Variants in CRYBG3 observed in about 807,000 individuals in gnomAD.
The protein encoded by CRYBG3 is crystallin beta-gamma domain containing 3.
CRYBG3 carries 127 observed loss-of-function variants against 244.2 expected under a neutral mutation model. That is an observed-to-expected ratio of 0.52 (90% CI 0.45 to 0.60). The LOEUF (loss-of-function observed/expected upper bound fraction) is 0.60, where lower values mean the gene tolerates loss of function less well. Ranked by LOEUF, CRYBG3 falls within the 20% of genes least tolerant of loss-of-function variation. CRYBG3 has a pLI of 0.00. For synonymous variants in CRYBG3, 1,132 were observed against 1,195.8 expected (o/e 0.95, Z 1.10); for missense variants, 3,325 against 3,442.5 (o/e 0.97, Z 0.85).
At chr3:97,835,720 G>C (rs1037874250) in intron 1 of CRYBG3, among the ~76,000 whole-genome samples, 3 of 152,130 alleles carry the variant, frequency 2.0e-5, no homozygotes, top group Admixed American at 1.3e-4. Context: ...TTTCAGTTGG[G>C]GGGGAGGTCA....
At chr3:97,870,380 T>C (rs962067904) in intron 3 of CRYBG3, among the ~76,000 whole-genome samples, 2 of 152,198 alleles carry the variant, frequency 1.3e-5, no homozygotes, top group African/African-American at 4.8e-5. Flanking sequence ...CACTTATATG[T>C]GAGAACATGT....
chr3:97,861,966 G>A (rs372056436), intron 2 of CRYBG3, among the ~76,000 whole-genome samples: 6 of 151,936 alleles, frequency 3.9e-5, no homozygotes, highest in Admixed American at 3.9e-4. Context: ...CGCATTTCTC[G>A]TAAGATTATG....
rs149969961 is a variant in CRYBG3 at position 97,893,364 on chromosome 3, A to G, written c.7574+371A>G. Among the ~76,000 whole-genome samples the G allele has an allele frequency of 9.8e-4, 149 of 152,342 alleles. 1 individual carries two copies. In the Middle Eastern group the frequency reaches 0.01, roughly 10 times the overall value. On this transcript the variant is annotated intron_variant, in intron 11 of 21. Transcript: ENST00000389622. Reference sequence around the variant, plus strand: ...TGACTTATGTACCAAGGACCTTGCCAGTGAGCCTTCCCTTGTTAAAAAAGG... The same window carrying G: ...TGACTTATGTACCAAGGACCTTGCCGGTGAGCCTTCCCTTGTTAAAAAAGG...
chr3:97,891,241 T>C (rs942641074), intron 10 of CRYBG3, among the ~76,000 whole-genome samples: 3 of 152,148 alleles, frequency 2.0e-5, no homozygotes, highest in African/African-American at 7.2e-5. Flanking sequence ...CACAGGGATA[T>C]ACTTATAAAG....
At position 97,872,278 on chromosome 3, in the gene CRYBG3, T is replaced by G; in HGVS notation, c.1084T>G (p.Ser362Ala). 1.3e-6 allele frequency: 2 copies of G among 1,535,914 alleles called. No individual in the cohort carries two copies. The highest frequency in any genetic ancestry group is 1.4e-5 in the African/African-American group (1 of 73,142). ...CTCCAGCTACGATGGAGAATCTGAC[T>G]CACAGCACCATTTAAGTTGTGAACC... ...TNSSYDGESDSQHHLSCEPVS... is the reference protein window; with the variant it reads ...TNSSYDGESDAQHHLSCEPVS... The change falls in exon 4 of 22, where the codon TCA becomes GCA. Residue 362 changes from serine to alanine, a missense_variant. Physicochemically the swap from Ser to Ala is moderately conservative, Grantham distance 99 (BLOSUM62 1). This residue lies in a region of CRYBG3 where 1,526 missense variants were observed against 1,443.2 expected (regional missense o/e 1.06). Transcript: ENST00000389622.
chr3:97,848,750 G>A lies in CRYBG3; in HGVS notation c.216+5489G>A, dbSNP rs571400319. 1.2e-4 allele frequency among the ~76,000 whole-genome samples: 19 copies of A among 152,292 alleles called. No individual in the cohort carries two copies. The South Asian group carries it at 3.3e-3, about 27-fold the overall frequency. ...TGGTGTCTGCTGTCTTTTTTTCTCA[G>A]CAATGCAAATAGTTGCAGCAGTATC... On this transcript the variant is annotated intron_variant, in intron 2 of 21. Coordinates refer to ENST00000389622, the MANE Select transcript of CRYBG3 (RefSeq NM_153605.4).
intron 15 of CRYBG3, among the ~76,000 whole-genome samples, chr3:97,909,227 T>A (rs1244721236): frequency 6.7e-6 from 1 of 148,478 alleles, no homozygotes; most frequent in African/African-American, 2.5e-5. Context: ...TTATGTGTCT[T>A]GGAGTTGCTC....
intron 12 of CRYBG3, among the ~76,000 whole-genome samples, chr3:97,897,172 ACATTGAGTTGGTATGCAGCGGAGAC>A (rs2039648934): frequency 1.3e-5 from 2 of 151,896 alleles, no homozygotes; most frequent in Admixed American, 1.3e-4. Flanking sequence ...CAGATCTTTG[ACATTGAGTTGGTATGCAGCGGAGAC>A]CATTGTTTAT....
Position 97,912,225 on chromosome 3 carries a change from C to T in CRYBG3, c.8063C>T (p.Thr2688Ile), listed in dbSNP as rs762031048. 2 of 1,608,886 alleles carry T rather than the reference C, an allele frequency of 1.2e-6. No individual in the cohort carries two copies. The highest frequency in any genetic ancestry group is 3.4e-5 in the Admixed American group (2 of 59,226). The change falls in exon 16 of 22, where the codon ACT becomes ATT. Residue 2688 changes from threonine (T) to isoleucine (I), a missense_variant. By Grantham distance (89) the Thr-to-Ile change is moderately conservative. Transcript: ENST00000389622. ...GAATGTATAGATTTTACAGAAGAAA[C>T]TTCTGATTTGACTTCACTCATGCCA... is the stretch of plus-strand genomic sequence containing the variant. ...QGECIDFTEE[T>I]SDLTSLMPCS...
At position 97,874,906 on chromosome 3, in the gene CRYBG3, A is replaced by G. The variant is rs1439142552; in HGVS notation, c.3712A>G (p.Thr1238Ala). Residue 1238 changes from threonine to alanine, a missense_variant, in exon 4 of 22, where the codon ACC (threonine) becomes GCC (alanine). Around this residue, in one of 4 missense-constraint regions of CRYBG3, gnomAD observed 1,526 missense variants for 1,443.2 expected, o/e 1.06. Transcript: ENST00000389622. ...IAIEGIMNLG[T>A]LKEDISEKNP... ...CATAGAAGGTATAATGAATCTGGGT[A>G]CCCTGAAAGAAGACATCTCTGAGAA... The G allele has an allele frequency of 1.3e-6, 2 of 1,535,234 alleles. No individual in the cohort carries two copies. The highest frequency in any genetic ancestry group is 4.9e-5 in the East Asian group (2 of 40,924).
chr3:97,857,762 T>C (rs2039087399), intron 2 of CRYBG3, among the ~76,000 whole-genome samples: 1 of 152,154 alleles, frequency 6.6e-6, no homozygotes, highest in South Asian at 2.1e-4. Context: ...TTCTGTTTTT[T>C]TATCCATTCG....
Position 97,874,145 on chromosome 3 carries a change from A to ACT in CRYBG3, c.2951_2952insCT (p.Glu984AspfsTer2). Reference sequence around the variant, plus strand: ...ACTAAAAAGATTTCTGGTCACTCAGAAATGGCGGAACTCAGCTTAACTAAT... The same window carrying ACT: ...ACTAAAAAGATTTCTGGTCACTCAGACTAATGGCGGAACTCAGCTTAACTAAT... On this transcript the variant is annotated frameshift_variant, in exon 4 of 22. Transcript: ENST00000389622. LOFTEE classifies it high-confidence loss of function. 1 of 1,533,770 alleles carries ACT rather than the reference A, an allele frequency of 6.5e-7. No homozygotes were observed. Among genetic ancestry groups the ACT allele is most frequent in the Non-Finnish European group, 8.7e-7 (1 of 1,146,282 alleles).
rs2039192022 is a variant in CRYBG3, at chr3:97,864,200, C to T, written c.217-17C>T. 6.8e-7 allele frequency: 1 copy of T among 1,463,100 alleles called. No homozygotes were observed. The highest frequency in any genetic ancestry group is 9.0e-7 in the Non-Finnish European group (1 of 1,115,156). The allele number at this position is 1,463,100 out of a possible 1,614,324, so 90.6% of individuals were successfully genotyped here. The stretch of plus-strand genomic sequence containing the variant: ...TTTAAATAATGATGCTTATGATTGT[C>T]TATTTTGTTTTCAAAGATTCGCCAA... On this transcript the variant is annotated splice_polypyrimidine_tract_variant and intron_variant, in intron 2 of 21. Coordinates refer to ENST00000389622, the MANE Select transcript of CRYBG3 (RefSeq NM_153605.4).
chr3:97,913,837 G>T (rs778250191), intron 16 of CRYBG3, among the ~76,000 whole-genome samples: 2 of 152,166 alleles, frequency 1.3e-5, no homozygotes, highest in Non-Finnish European at 2.9e-5. Flanking sequence ...AAAATCAGAA[G>T]ATTTTACGAC....
At chr3:97,822,466 C>A (rs2038516302) in intron 1 of CRYBG3, 111 bp downstream of exon 1, 2 of 1,056,124 alleles carry the variant, frequency 1.9e-6, no homozygotes, top group Non-Finnish European at 2.6e-6. Flanking sequence ...GCAGTTCGCT[C>A]GCCACTTTCT....
At chr3:97,900,633 A>T (rs1414587753) in intron 15 of CRYBG3, 148 bp downstream of exon 15, 2 of 599,232 alleles carry the variant, frequency 3.3e-6, no homozygotes, top group Non-Finnish European at 6.0e-6. Flanking sequence ...CTATGAGCAG[A>T]AGAATTCACA....
chr3:97,872,571 T>G lies in CRYBG3; in HGVS notation c.1377T>G (p.Asn459Lys). 6.5e-7 allele frequency: 1 copy of G among 1,535,970 alleles called. No homozygotes were observed. The highest frequency in any genetic ancestry group is 1.2e-5 in the South Asian group (1 of 84,062). ...AAAGTACAAATTTGCCAAGTCCAAATAAATCAATTAGGCATGAACATCTGC... is the reference window on the plus strand; with the variant it reads ...AAAGTACAAATTTGCCAAGTCCAAAGAAATCAATTAGGCATGAACATCTGC... Reference protein sequence around the residue: ...EQESTNLPSPNKSIRHEHLQL... With the variant: ...EQESTNLPSPKKSIRHEHLQL... The change falls in exon 4 of 22, where the codon AAT (asparagine) becomes AAG (lysine). Residue 459 changes from asparagine (N) to lysine (K), a missense_variant. Physicochemically the swap from Asn to Lys is moderately conservative, Grantham distance 94. Coordinates refer to ENST00000389622, the MANE Select transcript of CRYBG3 (RefSeq NM_153605.4).
intron 15 of CRYBG3, among the ~76,000 whole-genome samples, chr3:97,908,435 A>G (rs1575956734): frequency 6.6e-6 from 1 of 152,122 alleles, no homozygotes; most frequent in Admixed American, 6.5e-5. Context: ...GTGCTCCTGT[A>G]TTGGGTGCAT....
intron 1 of CRYBG3, among the ~76,000 whole-genome samples, chr3:97,828,518 T>G (rs1379468057): frequency 2.1e-5 from 3 of 144,668 alleles, no homozygotes; most frequent in South Asian, 2.2e-4. Flanking sequence ...ATCTCCAAGA[T>G]ACATTAAGTT....
Sources: gnomAD v4.1 joint callset for allele counts (sites outside exome capture counted in the v4.1 genomes callset) on GRCh38, gnomAD v4.1.1 for gene constraint, gnomAD v4.1.1 regional missense constraint, MANE v1.5 for transcripts, NCBI Gene and HGNC (gene_info 2026-07-23, HGNC 2026-07-21) for gene names.